The following ABCA5 variants were observed in gnomAD, a reference collection of about 807,000 sequenced individuals.
The protein encoded by ABCA5 is ATP binding cassette subfamily A member 5.
In ABCA5, 163 loss-of-function variants were observed where a neutral mutation model predicts 206.0. The observed-to-expected ratio is 0.79, with a 90% confidence interval of 0.70 to 0.90. The LOEUF (loss-of-function observed/expected upper bound fraction) is 0.90. Ranked by LOEUF, ABCA5 falls within the 40% of genes least tolerant of loss-of-function variation. The probability of loss-of-function intolerance (pLI) is 0.00; values close to 1 mark genes in which losing one functional copy is unlikely to be tolerated. For missense variants in ABCA5, 1,859 were observed against 1,912.9 expected, an observed-to-expected ratio of 0.97 and a Z score of 0.53; for synonymous variants, 609 against 613.8, an observed-to-expected ratio of 0.99 and a Z score of 0.11.
rs2074999044 is a variant in ABCA5, at chr17:69,250,453, A to G, written c.4685+19T>C. 3 of 1,593,104 alleles carry G rather than the reference A, an allele frequency of 1.9e-6. No homozygotes were observed. Among genetic ancestry groups the G allele is most frequent in the Non-Finnish European group, 2.6e-6 (3 of 1,172,764 alleles). ...CTTTGCTCTATAAAGAAATATAACC[A>G]CATTCTTTAAAATTTTACCTTTCCT... On this transcript the variant is annotated intron_variant, in intron 36 of 38. Transcript: ENST00000392676.
At position 69,252,633 on chromosome 17, in the gene ABCA5, C is replaced by T. The variant is rs143327963; in HGVS notation, c.4416-767G>A. Among the ~76,000 whole-genome samples the T allele has an allele frequency of 4.1e-3, 621 of 151,992 alleles. 10 individuals are homozygous for T. The highest frequency in any genetic ancestry group is 0.014 in the African/African-American group (560 of 41,466). ...GGCGGATCACCTGAGGTCTGGAGTT[C>T]GGGACCAGCCTGGCCAACATGGTGA... On this transcript the variant is annotated intron_variant, in intron 34 of 38. Transcript: ENST00000392676.
chr17:69,268,047 C>T lies in ABCA5; in HGVS notation c.3040G>A (p.Asp1014Asn), dbSNP rs754313143. ...TACAGCTCAATTTTAAAAACTATAT[C>T]AGTAATTTCCTGAAAGACAACCACA... is the stretch of plus-strand genomic sequence containing the variant. ...WSTPFFQEIT[D>N]IVFKIELYFQ... Residue 1014 changes from aspartate to asparagine, a missense_variant, in exon 23 of 39, where the codon GAT becomes AAT. By Grantham distance (23) the Asp-to-Asn change is conservative. Coordinates refer to ENST00000392676, the MANE Select transcript of ABCA5 (RefSeq NM_172232.4). 1 of 1,545,270 alleles carries T rather than the reference C, an allele frequency of 6.5e-7. No individual in the cohort carries two copies.
intron 23 of ABCA5, 66 bp from the exon 24 acceptor site, chr17:69,264,971 A>G: frequency 8.8e-7 from 1 of 1,137,686 alleles, no homozygotes. Context: ...ATAAATTAGT[A>G]AATTATTGTA....
At chr17:69,325,138 T>C (rs2075888621) in intron 1 of ABCA5, among the ~76,000 whole-genome samples, 1 of 39,722 alleles carries the variant, frequency 2.5e-5, no homozygotes, top group East Asian at 7.0e-4. Flanking sequence ...ACACTGTCTC[T>C]ACCAAAAAAA....
chr17:69,249,080 A>T (rs915158041), intron 37 of ABCA5: 1 of 152,176 alleles, frequency 6.6e-6, no homozygotes, highest in Non-Finnish European at 1.5e-5. Context: ...CAGACCAAAA[A>T]ATAATTAATT....
chr17:69,254,424 A>G lies in ABCA5; in HGVS notation c.4135T>C (p.Cys1379Arg), dbSNP rs1213062221. ...GGCCACAAAGGGTTTATCTGAGGAC[A>G]GTAACCCATACACTTCAGTGAATCA... ...DDDSLKCMGY[C>R]PQINPLWPDT... The change falls in exon 32 of 39, where the codon TGT becomes CGT. Residue 1379 changes from cysteine (C) to arginine (R), a missense_variant. Cys to Arg is a radical substitution (Grantham distance 180, BLOSUM62 -3). Transcript: ENST00000392676. 10 of 1,613,710 alleles carry G rather than the reference A, an allele frequency of 6.2e-6. No individual in the cohort carries two copies. The highest frequency in any genetic ancestry group is 8.5e-6 in the Non-Finnish European group (10 of 1,179,828).
At position 69,291,070 on chromosome 17, in the gene ABCA5, C is replaced by T. The variant is rs187611278; in HGVS notation, c.1606+146G>A. On this transcript the variant is annotated intron_variant, in intron 12 of 38. Coordinates refer to ENST00000392676, the MANE Select transcript of ABCA5 (RefSeq NM_172232.4). ...ATGATAGAATCATTTTTATCTTCTA[C>T]TAAAAACAACCACATGTGTATAATC... 165 of 457,902 alleles carry T rather than the reference C, an allele frequency of 3.6e-4. 2 individuals are homozygous for T. The East Asian group carries it at 4.9e-3, about 13-fold the overall frequency. 28.4% of individuals were successfully genotyped at this position (457,902 alleles called of 1,614,324 possible).
chr17:69,274,949 T>C (rs1038719419), intron 19 of ABCA5, among the ~76,000 whole-genome samples: 12 of 144,838 alleles, frequency 8.3e-5, no homozygotes, highest in African/African-American at 2.3e-4. Flanking sequence ...GTTCAAACGA[T>C]TGTCATGCCT....
intron 23 of ABCA5, among the ~76,000 whole-genome samples, chr17:69,266,764 ATATT>A (rs2075213699): frequency 6.7e-6 from 1 of 149,600 alleles, no homozygotes; most frequent in African/African-American, 2.4e-5. Context: ...TACAATGAGT[ATATT>A]TAACAAAAAT....
chr17:69,261,009 A>C (rs977331214), intron 26 of ABCA5, 116 bp downstream of exon 26: 2 of 783,786 alleles, frequency 2.6e-6, no homozygotes, highest in Non-Finnish European at 2.0e-6. Context: ...ATCTAAATCA[A>C]GTAGTAGCCA....
chr17:69,262,593 C>T (rs990569039), intron 24 of ABCA5, among the ~76,000 whole-genome samples: 1 of 152,118 alleles, frequency 6.6e-6, no homozygotes, highest in East Asian at 1.9e-4. Flanking sequence ...CTCAGTATTC[C>T]GTGGTGTATA....
intron 22 of ABCA5, among the ~76,000 whole-genome samples, chr17:69,270,364 G>C (rs1424415419): frequency 2.6e-5 from 4 of 151,818 alleles, no homozygotes; most frequent in Non-Finnish European, 4.4e-5. Flanking sequence ...TTTATTCTAT[G>C]ATCAATATAG....
At chr17:69,307,744 T>C (rs1423748140) in intron 5 of ABCA5, among the ~76,000 whole-genome samples, 2 of 152,164 alleles carry the variant, frequency 1.3e-5, no homozygotes, top group Non-Finnish European at 2.9e-5. Context: ...ATAATAGTCA[T>C]TTTACTACAT....
At chr17:69,289,466 C>T (rs2075500192) in intron 13 of ABCA5, among the ~76,000 whole-genome samples, 170 bp from the exon 14 acceptor site, 1 of 151,894 alleles carries the variant, frequency 6.6e-6, no homozygotes, top group African/African-American at 2.4e-5. Context: ...CATGGAACTG[C>T]CTTTGACATA....
chr17:69,260,428 T>G lies in ABCA5; in HGVS notation c.3565-16A>C, dbSNP rs1224687971. On this transcript the variant is annotated splice_polypyrimidine_tract_variant and intron_variant, in intron 26 of 38. Coordinates refer to ENST00000392676, the MANE Select transcript of ABCA5 (RefSeq NM_172232.4). ...TCCAAGAAATCTAAGACAAAAAGAT[T>G]TGAAAATATATACGCTGCAATATGT... 2.0e-6 allele frequency: 3 copies of G among 1,527,316 alleles called. No homozygotes were observed. The highest frequency in any genetic ancestry group is 2.7e-6 in the Non-Finnish European group (3 of 1,105,964). The allele number at this position is 1,527,316 out of a possible 1,614,324, so 94.6% of individuals were successfully genotyped here. A position where few individuals can be genotyped will look rare whatever the true frequency, so the allele number is the denominator to read the frequency against.
At chr17:69,317,976 A>C (rs1301764239) in intron 1 of ABCA5, among the ~76,000 whole-genome samples, 2 of 152,214 alleles carry the variant, frequency 1.3e-5, no homozygotes, top group Admixed American at 1.3e-4. Context: ...AAATCCTGTT[A>C]AACCTTCCAG....
chr17:69,290,345 C>A (rs908572462), intron 12 of ABCA5, among the ~76,000 whole-genome samples: 13 of 152,074 alleles, frequency 8.5e-5, no homozygotes, highest in Admixed American at 7.9e-4. Context: ...ATTTTCTAGA[C>A]ACTGTGCAAT....
At chr17:69,303,047 T>A in intron 7 of ABCA5, 141 bp from the exon 8 acceptor site, 1 of 481,048 alleles carries the variant, frequency 2.1e-6, no homozygotes, top group Non-Finnish European at 3.7e-6. Flanking sequence ...CTAAATGCTA[T>A]GGTATTTTAT....
At chr17:69,313,439 C>T in intron 2 of ABCA5, 143 bp from the exon 3 acceptor site, 1 of 436,312 alleles carries the variant, frequency 2.3e-6, no homozygotes, top group East Asian at 3.7e-5. Context: ...GCAATTCTAT[C>T]CCAAAAGAAT....
Sources: allele counts gnomAD v4.1 joint callset (sites outside exome capture counted in the v4.1 genomes callset), GRCh38; gene constraint gnomAD v4.1.1; transcripts MANE v1.5; gene names NCBI Gene and HGNC (gene_info 2026-07-23, HGNC 2026-07-21).